ANO3: variants seen among roughly 807,000 people sequenced by gnomAD.
ANO3 encodes anoctamin-3.
In ANO3, 99 loss-of-function variants were observed where a neutral mutation model predicts 144.8. The observed-to-expected ratio is 0.68, with a 90% CI of 0.58 to 0.81. The LOEUF (loss-of-function observed/expected upper bound fraction) is 0.81, where lower values mean the gene tolerates loss of function less well. ANO3 is among the 30% of genes least tolerant of loss of function. The probability of loss-of-function intolerance (pLI) is 0.00; values close to 1 mark genes in which losing one functional copy is unlikely to be tolerated. For missense variants in ANO3, 905 were observed against 1,202.2 expected (o/e 0.75, Z 3.66); for synonymous variants, 414 against 392.6 (o/e 1.05, Z -0.64).
chr11:26,258,684 T>C (rs1853114880), intron 1 of ANO3, among the ~76,000 whole-genome samples: 1 of 152,186 alleles, frequency 6.6e-6, no homozygotes, highest in African/African-American at 2.4e-5. Flanking sequence ...TTCATTCCTA[T>C]CAAATTTGAG....
intron 14 of ANO3, among the ~76,000 whole-genome samples, chr11:26,583,888 G>A (rs188106833): frequency 6.6e-6 from 1 of 152,238 alleles, no homozygotes. Context: ...CTTTTGAGAA[G>A]GCTTCAAGTC....
Position 26,503,096 on chromosome 11 carries a change from A to G in ANO3, c.433-5008A>G, listed in dbSNP as rs546881039. ...TCTGAGCTTCATGGTTTGCAAACAC[A>G]TTAATGATTTAGTTATTTTCAAACT... On this transcript the variant is annotated intron_variant, in intron 4 of 26. Coordinates refer to ENST00000256737, the MANE Select transcript of ANO3 (RefSeq NM_031418.4). Among the ~76,000 whole-genome samples, 24 of 152,300 alleles carry G rather than the reference A, an allele frequency of 1.6e-4. No homozygotes were observed. In the South Asian group the frequency reaches 4.3e-3, roughly 28 times the overall value.
In ANO3 at chr11:26,364,365, C is replaced by T. The variant is rs964828500; in HGVS notation, c.46+32044C>T. On this transcript the variant is annotated intron_variant, in intron 1 of 26. Coordinates refer to ENST00000256737, the MANE Select transcript of ANO3 (RefSeq NM_031418.4). ...ATTTTCAAAAATTTTGGCAGTAATT[C>T]TAAAATATCATTTCCATTAATCCAG... Among the ~76,000 whole-genome samples, 63 of 152,148 alleles carry T rather than the reference C, an allele frequency of 4.1e-4. 2 individuals are homozygous for T. The highest frequency in any genetic ancestry group is 4.4e-5 in the Non-Finnish European group (3 of 68,036).
At chr11:26,439,543 G>A (rs769202271) in intron 1 of ANO3, among the ~76,000 whole-genome samples, 20 of 152,190 alleles carry the variant, frequency 1.3e-4, no homozygotes, top group Non-Finnish European at 2.8e-4. Flanking sequence ...GCCACATAGA[G>A]TGATGTTTGC....
chr11:26,584,887 A>G (rs2132870258), intron 14 of ANO3, among the ~76,000 whole-genome samples: 1 of 152,328 alleles, frequency 6.6e-6, no homozygotes, highest in African/African-American at 2.4e-5. Context: ...TTCATCTTTG[A>G]AATTTTTTTA....
rs569742268 is a variant in ANO3 at position 26,661,049 on chromosome 11, A to G, written c.*605A>G. On this transcript the variant is annotated 3_prime_UTR_variant, in exon 27 of 27. Transcript: ENST00000256737. The stretch of plus-strand genomic sequence containing the variant: ...TGACTATGCAGTTGAAGAGTTGCAC[A>G]TCACCTTTAGTAGTCAAACCAAAAA... The G allele has an allele frequency of 2.0e-5, 3 of 152,708 alleles. No homozygotes were observed. In the East Asian group the frequency reaches 5.8e-4, roughly 29 times the overall value. 9.5% of individuals were successfully genotyped at this position (152,708 alleles called of 1,614,324 possible).
chr11:26,563,332 G>C, intron 14 of ANO3: 2 of 1,442,532 alleles, frequency 1.4e-6, no homozygotes, highest in Non-Finnish European at 1.9e-6. Flanking sequence ...CTATGCATGT[G>C]AACTTTCCAT....
chr11:26,618,410 A>G (rs1470340896), intron 17 of ANO3, among the ~76,000 whole-genome samples: 1 of 152,002 alleles, frequency 6.6e-6, no homozygotes, highest in Admixed American at 6.5e-5. Context: ...CCTTAGTTCA[A>G]CTAGTTGTCA....
intron 17 of ANO3, among the ~76,000 whole-genome samples, chr11:26,619,221 G>A (rs61878605): frequency 0.14 from 20,687 of 152,006 alleles, 1,718 homozygotes; most frequent in South Asian, 0.18. Context: ...CAAGTTTGCA[G>A]CACTTATTTT....
chr11:26,642,101 TC>T (rs1853175688), intron 22 of ANO3, 72 bp downstream of exon 22: 1 of 1,526,092 alleles, frequency 6.6e-7, no homozygotes, highest in South Asian at 1.2e-5. Context: ...AAGCTTTGGT[TC>T]AACAGAGAAA....
intron 6 of ANO3, 135 bp from the exon 7 acceptor site, chr11:26,525,500 T>A (rs1849139162): frequency 2.9e-6 from 2 of 678,858 alleles, no homozygotes; most frequent in South Asian, 3.8e-5. Context: ...TGCTGGGTTA[T>A]TTCAAACATC....
chr11:26,380,917 G>T (rs1311647663), intron 1 of ANO3, among the ~76,000 whole-genome samples: 3 of 152,150 alleles, frequency 2.0e-5, no homozygotes, highest in African/African-American at 7.2e-5. Flanking sequence ...AGGAGGTGTA[G>T]GTTGTAGTGA....
At chr11:26,466,482 C>T (rs982679180) in intron 4 of ANO3, among the ~76,000 whole-genome samples, 23 of 151,964 alleles carry the variant, frequency 1.5e-4, no homozygotes, top group African/African-American at 5.1e-4. Context: ...TAACATTATG[C>T]CAGCACTGAG....
At chr11:26,625,480 C>A (rs1852554159) in intron 18 of ANO3, among the ~76,000 whole-genome samples, 1 of 152,152 alleles carries the variant, frequency 6.6e-6, no homozygotes, top group African/African-American at 2.4e-5. Flanking sequence ...CCAAATTAAT[C>A]GTTAGTCTTC....
chr11:26,482,291 T>C (rs2136310), intron 4 of ANO3, among the ~76,000 whole-genome samples: 92,154 of 151,862 alleles, frequency 0.61, 28,606 homozygotes, highest in East Asian at 0.68. Context: ...TATGTATACA[T>C]GTGCCATGTT....
chr11:26,257,600 C>T (rs1853089480), intron 1 of ANO3, among the ~76,000 whole-genome samples: 1 of 152,046 alleles, frequency 6.6e-6, no homozygotes, highest in African/African-American at 2.4e-5. Context: ...AATAAAAGTA[C>T]TTTAAAATTT....
chr11:26,515,427 C>G (rs997923768), intron 5 of ANO3, among the ~76,000 whole-genome samples: 1 of 151,938 alleles, frequency 6.6e-6, no homozygotes, highest in Middle Eastern at 3.4e-3. Flanking sequence ...AATGAGCCCC[C>G]ACTTGTTTGC....
chr11:26,362,750 T>C (rs1855960948), intron 1 of ANO3, among the ~76,000 whole-genome samples: 1 of 152,226 alleles, frequency 6.6e-6, no homozygotes, highest in African/African-American at 2.4e-5. Flanking sequence ...ATTTTGTTAG[T>C]TGCTATTTTT....
intron 4 of ANO3, among the ~76,000 whole-genome samples, chr11:26,505,816 C>CAAAA (rs1344586478): frequency 0.019 from 2,906 of 151,088 alleles, 42 homozygotes; most frequent in Non-Finnish European, 0.032. Context: ...ACTAAAAATC[C>CAAAA]AAAAAATAAA....
Sources: gnomAD v4.1 joint callset for allele counts (sites outside exome capture counted in the v4.1 genomes callset) on GRCh38, gnomAD v4.1.1 for gene constraint, MANE v1.5 for transcripts, NCBI Gene and HGNC (gene_info 2026-07-23, HGNC 2026-07-21) for gene names.